PCDHA5: variants seen among roughly 807,000 people sequenced by gnomAD.
PCDHA5 encodes the protein protocadherin alpha 5, also known as protocadherin alpha-5.
PCDHA5 carries 43 observed loss-of-function variants against 61.6 expected under a neutral mutation model. That is an observed-to-expected ratio of 0.70 (90% CI 0.55 to 0.90). The LOEUF is 0.90. Among genes scored for constraint, PCDHA5 ranks in the 40% least tolerant of loss-of-function variants. PCDHA5 has a pLI of 0.00. For synonymous variants in PCDHA5, 627 were observed against 543.9 expected, an observed-to-expected ratio of 1.15 and a Z score of -2.13; for missense variants, 1,298 against 1,222.7, an observed-to-expected ratio of 1.06 and a Z score of -0.92.
intron 1 of PCDHA5, among the ~76,000 whole-genome samples, chr5:140,935,702 T>C (rs975188692): frequency 1.3e-5 from 2 of 152,152 alleles, no homozygotes; most frequent in Admixed American, 1.3e-4. Context: ...AATAAACTTA[T>C]AAAACAAAAT....
intron 1 of PCDHA5, chr5:140,877,520 C>T (rs2057180531): frequency 6.2e-7 from 1 of 1,613,784 alleles, no homozygotes; most frequent in Non-Finnish European, 8.5e-7. Context: ...TCGCGGGCCT[C>T]AGTGGGCGCT....
At chr5:140,836,901 A>C in intron 1 of PCDHA5, 1 of 593,722 alleles carries the variant, frequency 1.7e-6, no homozygotes. Flanking sequence ...AAGTACGTTT[A>C]ATATACACTT....
chr5:140,882,351 G>A, intron 1 of PCDHA5: 1 of 1,614,214 alleles, frequency 6.2e-7, no homozygotes, highest in East Asian at 2.2e-5. Context: ...GAGACGGGTA[G>A]TGGCCAGCTC....
chr5:140,839,240 T>C (rs2150295728), intron 1 of PCDHA5, among the ~76,000 whole-genome samples: 1 of 152,152 alleles, frequency 6.6e-6, no homozygotes, highest in African/African-American at 2.4e-5. Context: ...TTTTATTGCT[T>C]TGCTTTTATG....
intron 1 of PCDHA5, among the ~76,000 whole-genome samples, chr5:140,960,371 T>A (rs2095543916): frequency 6.6e-6 from 1 of 152,196 alleles, no homozygotes; most frequent in Non-Finnish European, 1.5e-5. Context: ...TGCCAACTCT[T>A]AAGTGCCAAG....
intron 1 of PCDHA5, among the ~76,000 whole-genome samples, chr5:140,913,101 T>C (rs1352707377): frequency 5.9e-5 from 9 of 152,200 alleles, no homozygotes; most frequent in Non-Finnish European, 1.0e-4. Flanking sequence ...ACTGGCCTCA[T>C]AGAATCAGTT....
At chr5:140,909,045 G>A (rs1407145935) in intron 1 of PCDHA5, among the ~76,000 whole-genome samples, 1 of 152,112 alleles carries the variant, frequency 6.6e-6, no homozygotes, top group African/African-American at 2.4e-5. Flanking sequence ...TCCATACTCT[G>A]GCATGCAAAT....
At chr5:140,835,434 A>G (rs2150235683) in intron 1 of PCDHA5, 2 of 1,613,730 alleles carry the variant, frequency 1.2e-6, no homozygotes, top group Non-Finnish European at 1.7e-6. Flanking sequence ...TCCACAGTTG[A>G]CTCTCACTTC....
At chr5:140,866,776 T>A (rs1554160548) in intron 1 of PCDHA5, 1 of 152,168 alleles carries the variant, frequency 6.6e-6, no homozygotes, top group African/African-American at 2.4e-5. Flanking sequence ...AGATTGTATG[T>A]CCTGACTGAT....
At chr5:140,834,438 A>G (rs2150217991) in intron 1 of PCDHA5, 1 of 1,606,228 alleles carries the variant, frequency 6.2e-7, no homozygotes, top group South Asian at 1.1e-5. Flanking sequence ...GCTGTTTATT[A>G]TAATTCTAGC....
At chr5:140,943,717 T>A (rs1269511670) in intron 1 of PCDHA5, among the ~76,000 whole-genome samples, 1 of 152,108 alleles carries the variant, frequency 6.6e-6, no homozygotes, top group Non-Finnish European at 1.5e-5. Context: ...CATTTAAAGG[T>A]CTGAGAGAAT....
chr5:140,870,554 A>G (rs1554164402), intron 1 of PCDHA5: 1 of 1,614,044 alleles, frequency 6.2e-7, no homozygotes, highest in Non-Finnish European at 8.5e-7. Flanking sequence ...GCGGACGCGC[A>G]GGAGAACGCG....
rs1465056587 is a variant in PCDHA5, at chr5:140,851,176, T to G, written c.2352+27049T>G. The G allele has an allele frequency of 9.5e-6, 12 of 1,259,426 alleles. 2 individuals carry two copies. Among genetic ancestry groups the G allele is most frequent in the Non-Finnish European group, 1.2e-5 (12 of 979,742 alleles). The allele number at this position is 1,259,426 out of a possible 1,614,324, so 78.0% of individuals were successfully genotyped here. A position where few individuals can be genotyped will look rare whatever the true frequency, so the allele number is the denominator to read the frequency against. Reference sequence around the variant, plus strand: ...TCTGATGCTATGCTGCCATAACACTTGAAAACCAATTTAGTTGTTAGTCAT... The same window carrying G: ...TCTGATGCTATGCTGCCATAACACTGGAAAACCAATTTAGTTGTTAGTCAT... On this transcript the variant is annotated intron_variant, in intron 1 of 3. Coordinates refer to ENST00000529859, the MANE Select transcript of PCDHA5 (RefSeq NM_018908.3).
In PCDHA5 at chr5:140,822,873, G is replaced by C. The variant is rs1304817272; in HGVS notation, c.1098G>C (p.Thr366=). 3.2e-5 allele frequency: 51 copies of C among 1,614,094 alleles called. No homozygotes were observed. The highest frequency in any genetic ancestry group is 6.7e-5 in the African/African-American group (5 of 74,946). Residue 366 remains threonine (T), a synonymous_variant, in exon 1 of 4, where the codon ACG becomes ACC. Transcript: ENST00000529859. ...LPVKEDAPLS[T]VIALISVSDR... Reference sequence around the variant, plus strand: ...TCAAAGAGGACGCTCCACTCAGCACGGTCATTGCTCTGATCAGCGTGTCTG... The same window carrying C: ...TCAAAGAGGACGCTCCACTCAGCACCGTCATTGCTCTGATCAGCGTGTCTG...
At chr5:140,828,140 C>T in intron 1 of PCDHA5, 1 of 1,613,974 alleles carries the variant, frequency 6.2e-7, no homozygotes, top group South Asian at 1.1e-5. Flanking sequence ...TCTGCTCCTC[C>T]CGCTTCTGCT....
At chr5:140,883,525 A>G in intron 1 of PCDHA5, 1 of 1,614,220 alleles carries the variant, frequency 6.2e-7, no homozygotes, top group Middle Eastern at 1.7e-4. Context: ...AGAGCGTATC[A>G]GCCTATGAAC....
chr5:140,944,451 T>C (rs6878788), intron 1 of PCDHA5, among the ~76,000 whole-genome samples: 8,488 of 152,228 alleles, frequency 0.056, 701 homozygotes, highest in African/African-American at 0.18. Flanking sequence ...CCTCCCAAAG[T>C]GCTGGGATTA....
Position 140,849,460 on chromosome 5 carries a change from C to T in PCDHA5, c.2352+25333C>T, listed in dbSNP as rs144662587. The T allele has an allele frequency of 6.9e-6, 11 of 1,588,102 alleles. 3 individuals are homozygous for T. Among genetic ancestry groups the T allele is most frequent in the Non-Finnish European group, 9.5e-6 (11 of 1,161,646 alleles). On this transcript the variant is annotated intron_variant, in intron 1 of 3. Transcript: ENST00000529859. ...AGAGCACACAAGATCCCAGTCGAGG[C>T]TGTCGATAAAGGCTTCCCACCCCTG...
chr5:140,877,023 G>A (rs1554169254), intron 1 of PCDHA5: 2 of 1,612,456 alleles, frequency 1.2e-6, no homozygotes, highest in Non-Finnish European at 1.7e-6. Flanking sequence ...GCGGCAAGGT[G>A]TACGCGCTGC....
Sources: allele counts gnomAD v4.1 joint callset (sites outside exome capture counted in the v4.1 genomes callset), GRCh38; gene constraint gnomAD v4.1.1; transcripts MANE v1.5; gene names NCBI Gene and HGNC (gene_info 2026-07-23, HGNC 2026-07-21).